Variants in NIPAL3 observed in about 807,000 individuals in gnomAD.
NIPAL3 encodes the protein NIPA-like protein 3.
A neutral mutation model predicts 47.2 loss-of-function variants in NIPAL3; 41 were observed. The ratio of observed to expected loss-of-function variants is 0.87; its 90% CI spans 0.68 to 1.13. NIPAL3 has a LOEUF of 1.13. NIPAL3 is among the 50% of genes most tolerant of loss of function. The pLI is 0.00. For synonymous variants in NIPAL3, 194 were observed against 209.6 expected, an observed-to-expected ratio of 0.93 and a Z score of 0.64; for missense variants, 449 against 530.1, an observed-to-expected ratio of 0.85 and a Z score of 1.50.
At chr1:24,455,247 C>G (rs900536450) in intron 7 of NIPAL3, among the ~76,000 whole-genome samples, 1 of 152,228 alleles carries the variant, frequency 6.6e-6, no homozygotes, top group African/African-American at 2.4e-5. Flanking sequence ...GTCTGAAAGT[C>G]TGCAGTTAGA....
At chr1:24,450,791 C>G (rs1645901257) in intron 6 of NIPAL3, among the ~76,000 whole-genome samples, 1 of 152,198 alleles carries the variant, frequency 6.6e-6, no homozygotes, top group African/African-American at 2.4e-5. Context: ...CACTGTTTTC[C>G]TCTGACATAA....
At position 24,442,158 on chromosome 1, in the gene NIPAL3, G is replaced by A. The variant is rs1345211182; in HGVS notation, c.266G>A (p.Gly89Asp). Residue 89 changes from glycine to aspartate, a missense_variant, in exon 4 of 12, where the codon GGT becomes GAT. Physicochemically the swap from Gly to Asp is moderately conservative, Grantham distance 94. Transcript: ENST00000374399. Reference sequence around the variant, plus strand: ...TTCCTGATGCTTCTGGGCGAGCTGGGTGTGTTCGCCTCCTACGCCTTCGCG... The same window carrying A: ...TTCCTGATGCTTCTGGGCGAGCTGGATGTGTTCGCCTCCTACGCCTTCGCG... The part of the protein sequence containing the change: ...GLFLMLLGEL[G>D]VFASYAFAPL... 1 of 1,614,092 alleles carries A rather than the reference G, an allele frequency of 6.2e-7. No homozygotes were observed. The highest frequency in any genetic ancestry group is 1.3e-5 in the African/African-American group (1 of 74,934).
Position 24,449,669 on chromosome 1 carries a change from G to A in NIPAL3, c.540+43G>A. Reference sequence around the variant, plus strand: ...TCGTTCCCCCTGAGATGGCAGGAGGGAGATCAAGTCCTAGAAACCAGAAAC... The same window carrying A: ...TCGTTCCCCCTGAGATGGCAGGAGGAAGATCAAGTCCTAGAAACCAGAAAC... On this transcript the variant is annotated intron_variant, in intron 6 of 11. Coordinates refer to ENST00000374399, the MANE Select transcript of NIPAL3 (RefSeq NM_020448.5). This position sits in a 1 kb window ranked among gnomAD's most constrained non-coding sequence, Gnocchi z 4.5. The A allele has an allele frequency of 6.3e-7, 1 of 1,589,456 alleles. No individual in the cohort carries two copies. The highest frequency in any genetic ancestry group is 8.6e-7 in the Non-Finnish European group (1 of 1,166,528).
In NIPAL3 at chr1:24,449,522, G is replaced by T. The variant is rs141151053; in HGVS notation, c.436G>T (p.Val146Leu). The change falls in exon 6 of 12, where the codon GTG (valine) becomes TTG (leucine). Residue 146 changes from valine to leucine, a missense_variant. Coordinates refer to ENST00000374399, the MANE Select transcript of NIPAL3 (RefSeq NM_020448.5). The surrounding 1 kb of genome is among the most constrained non-coding windows in gnomAD (Gnocchi z 4.5). ...LSFVGCGLAV[V>L]GTYLLVTFAP... ...CTTTGTTGGCTGCGGTTTGGCTGTC[G>T]TGGGTACCTACCTGCTGGTGACATT... is the stretch of plus-strand genomic sequence containing the variant. 2 of 1,613,990 alleles carry T rather than the reference G, an allele frequency of 1.2e-6. No individual in the cohort carries two copies. The highest frequency in any genetic ancestry group is 8.5e-7 in the Non-Finnish European group (1 of 1,180,028).
intron 2 of NIPAL3, among the ~76,000 whole-genome samples, chr1:24,438,628 A>G (rs1645236851): frequency 6.6e-6 from 1 of 152,238 alleles, no homozygotes; most frequent in African/African-American, 2.4e-5. Context: ...ACTGCGGGGC[A>G]GCTTGCTAAT....
At chr1:24,425,164 A>G (rs562307903) in intron 2 of NIPAL3, among the ~76,000 whole-genome samples, 2 of 152,282 alleles carry the variant, frequency 1.3e-5, no homozygotes, top group East Asian at 3.9e-4. Context: ...GAGTGAGTAG[A>G]CATTTCATCT....
chr1:24,425,234 T>C (rs1644523142), intron 2 of NIPAL3, among the ~76,000 whole-genome samples: 1 of 152,198 alleles, frequency 6.6e-6, no homozygotes, highest in Non-Finnish European at 1.5e-5. Flanking sequence ...ATCAAGCTTG[T>C]CCAACCCACA....
intron 6 of NIPAL3, 84 bp from the exon 7 acceptor site, chr1:24,453,324 G>C: frequency 1.2e-6 from 1 of 866,350 alleles, no homozygotes; most frequent in Non-Finnish European, 1.9e-6. Context: ...CTGTGACTCT[G>C]GTGATGGCCC....
chr1:24,415,366 G>C (rs541203700), upstream of NIPAL3: 1 of 152,274 alleles, frequency 6.6e-6, no homozygotes, highest in Non-Finnish European at 1.5e-5. Context: ...AGGACGTTTT[G>C]GATTTGAATA....
chr1:24,459,236 AGAATT>A (rs1310687978), intron 9 of NIPAL3, among the ~76,000 whole-genome samples: 2 of 152,208 alleles, frequency 1.3e-5, no homozygotes, highest in African/African-American at 2.4e-5. Context: ...CTTAGCTCCT[AGAATT>A]GTAATGGGTA....
At position 24,446,725 on chromosome 1, in the gene NIPAL3, T is replaced by C. The variant is rs1645686981; in HGVS notation, c.394+1481T>C. Among the ~76,000 whole-genome samples the C allele has an allele frequency of 2.0e-5, 3 of 152,236 alleles. No homozygotes were observed. In the South Asian group the frequency reaches 6.2e-4, roughly 31 times the overall value. On this transcript the variant is annotated intron_variant, in intron 5 of 11. Transcript: ENST00000374399. The stretch of plus-strand genomic sequence containing the variant: ...CTTTGCTATCGTGAATGTGCTGCAG[T>C]GAACATATGTGCACATGTATCTTTA...
chr1:24,456,069 C>G, intron 7 of NIPAL3, 69 bp from the exon 8 acceptor site: 1 of 1,589,460 alleles, frequency 6.3e-7, no homozygotes, highest in African/African-American at 1.3e-5. Context: ...GGGTTATAGA[C>G]TGGCTTTCCG....
intron 6 of NIPAL3, 94 bp from the exon 7 acceptor site, chr1:24,453,314 C>A: frequency 1.3e-6 from 1 of 789,024 alleles, no homozygotes; most frequent in East Asian, 2.6e-5. Context: ...CCTTTCAACC[C>A]TGTGACTCTG....
At chr1:24,465,900 C>T in intron 11 of NIPAL3, 1 of 1,417,906 alleles carries the variant, frequency 7.1e-7, no homozygotes, top group African/African-American at 1.5e-5. Flanking sequence ...GCAGGTAGAA[C>T]ATGCAGAATA....
At chr1:24,443,723 T>A (rs961504573) in intron 4 of NIPAL3, among the ~76,000 whole-genome samples, 5 of 152,216 alleles carry the variant, frequency 3.3e-5, no homozygotes, top group Non-Finnish European at 7.3e-5. Context: ...GTGTGTGTTT[T>A]TTCCCACACA....
intron 11 of NIPAL3, chr1:24,466,300 C>A: frequency 2.5e-6 from 1 of 401,726 alleles, no homozygotes; most frequent in Non-Finnish European, 4.4e-6. Flanking sequence ...GGTTTTTTTC[C>A]TAAAATTAAA....
chr1:24,436,821 G>A (rs898510848), intron 2 of NIPAL3, among the ~76,000 whole-genome samples: 20 of 152,026 alleles, frequency 1.3e-4, no homozygotes, highest in African/African-American at 4.3e-4. Context: ...TATATGTGAT[G>A]ACCAGGGTTT....
chr1:24,460,001 A>G (rs542185388), intron 9 of NIPAL3, among the ~76,000 whole-genome samples: 1 of 152,328 alleles, frequency 6.6e-6, no homozygotes, highest in South Asian at 2.1e-4. Context: ...CTTGGGATCT[A>G]CTGGCCACAT....
chr1:24,461,345 C>T lies in NIPAL3; in HGVS notation c.926+801C>T, dbSNP rs535816991. Reference sequence around the variant, plus strand: ...TTACCTGAGGTCGGGAGTTTGAGACCAGCCTGACCAACATGGAGAAACCCC... The same window carrying T: ...TTACCTGAGGTCGGGAGTTTGAGACTAGCCTGACCAACATGGAGAAACCCC... On this transcript the variant is annotated intron_variant, in intron 10 of 11. Coordinates refer to ENST00000374399, the MANE Select transcript of NIPAL3 (RefSeq NM_020448.5). Among the ~76,000 whole-genome samples, 1,143 of 149,202 alleles carry T rather than the reference C, an allele frequency of 7.7e-3. 18 individuals carry two copies. Among genetic ancestry groups the T allele is most frequent in the African/African-American group, 0.027 (1,084 of 40,078 alleles).
Sources: gnomAD v4.1 joint callset for allele counts (sites outside exome capture counted in the v4.1 genomes callset) on GRCh38, gnomAD v4.1.1 for gene constraint, Gnocchi (gnomAD v3.1) non-coding constraint, MANE v1.5 for transcripts, NCBI Gene and HGNC (gene_info 2026-07-23, HGNC 2026-07-21) for gene names.